Variants in PCDHA1 observed in about 807,000 individuals in gnomAD.
The protein encoded by PCDHA1 is protocadherin alpha 1.
PCDHA1 carries 42 observed loss-of-function variants against 61.3 expected under a neutral mutation model. That is an observed-to-expected ratio of 0.69 (90% CI 0.54 to 0.89). The LOEUF (loss-of-function observed/expected upper bound fraction) is 0.89. Among genes scored for constraint, PCDHA1 ranks in the 40% least tolerant of loss-of-function variants. The probability of loss-of-function intolerance (pLI) is 0.00; values close to 1 mark genes in which losing one functional copy is unlikely to be tolerated. For synonymous variants in PCDHA1, 610 were observed against 553.8 expected, an observed-to-expected ratio of 1.10 and a Z score of -1.43; for missense variants, 1,256 against 1,235.3, an observed-to-expected ratio of 1.02 and a Z score of -0.25.
rs782328874 is a variant in PCDHA1, at chr5:141,009,755, C to G, written c.2671C>G (p.Pro891Ala). The G allele has an allele frequency of 6.2e-7, 1 of 1,614,002 alleles. No homozygotes were observed. Among genetic ancestry groups the G allele is most frequent in the African/African-American group, 1.3e-5 (1 of 74,894 alleles). ...TGAGTTGCCCGACAAATTCATTATC[C>G]CAGGATCTCCTGCAATCATCTCCAT... ...PGELPDKFII[P>A]GSPAIISIRQ... Residue 891 changes from proline (P) to alanine (A), a missense_variant, in exon 4 of 4, where the codon CCA becomes GCA. Physicochemically the swap from Pro to Ala is conservative, Grantham distance 27. Coordinates refer to ENST00000504120, the MANE Select transcript of PCDHA1 (RefSeq NM_018900.4).
Position 140,803,245 on chromosome 5 carries a change from C to T in PCDHA1, c.2394+14561C>T, listed in dbSNP as rs782357905. 11 of 1,613,726 alleles carry T rather than the reference C, an allele frequency of 6.8e-6. No homozygotes were observed. In the Admixed American group the frequency reaches 1.2e-4, roughly 17 times the overall value. ...GCACCCAAGGCCTCGTCCCAGGCGT[C>T]CGCTGGCGCCACGGGCCCGGAAGCT... On this transcript the variant is annotated intron_variant, in intron 1 of 3. Coordinates refer to ENST00000504120, the MANE Select transcript of PCDHA1 (RefSeq NM_018900.4).
chr5:140,836,027 C>T (rs2150251000), intron 1 of PCDHA1: 4 of 1,613,456 alleles, frequency 2.5e-6, no homozygotes, highest in East Asian at 4.5e-5. Flanking sequence ...TGGGCAGCAA[C>T]GTGACGCTGC....
chr5:140,930,654 C>T (rs1229167848), intron 1 of PCDHA1, among the ~76,000 whole-genome samples: 1 of 152,106 alleles, frequency 6.6e-6, no homozygotes, highest in Non-Finnish European at 1.5e-5. Context: ...ATGAAGCATT[C>T]CTTGTTTTAC....
intron 1 of PCDHA1, chr5:140,843,356 T>G (rs1228911692): frequency 1.3e-6 from 2 of 1,595,866 alleles, no homozygotes; most frequent in Non-Finnish European, 1.7e-6. Context: ...TCCAAAAGCG[T>G]CATCGAGGCA....
chr5:140,983,711 G>C (rs2097062291), intron 3 of PCDHA1, among the ~76,000 whole-genome samples: 1 of 152,202 alleles, frequency 6.6e-6, no homozygotes, highest in Non-Finnish European at 1.5e-5. Context: ...AGTATATCTA[G>C]CACTTATATT....
chr5:140,993,630 C>T (rs1305182880), intron 3 of PCDHA1, among the ~76,000 whole-genome samples: 2 of 152,054 alleles, frequency 1.3e-5, no homozygotes, highest in South Asian at 4.2e-4. Flanking sequence ...TATATATAGT[C>T]GTGTACCAAA....
intron 1 of PCDHA1, chr5:140,967,436 C>T (rs781894469): frequency 6.2e-7 from 1 of 1,613,496 alleles, no homozygotes; most frequent in Non-Finnish European, 8.5e-7. Context: ...AGCCTTGCAC[C>T]ACCTGGTTCT....
intron 1 of PCDHA1, chr5:140,824,162 C>A (rs2150132827): frequency 6.0e-5 from 97 of 1,611,100 alleles, no homozygotes; most frequent in Non-Finnish European, 3.5e-5. Context: ...ATCTTTCCCT[C>A]CCAATTTTCA....
At chr5:140,967,475 C>T (rs555659207) in intron 1 of PCDHA1, 1 of 1,613,342 alleles carries the variant, frequency 6.2e-7, no homozygotes, top group South Asian at 1.1e-5. Context: ...CATCCCAGCC[C>T]GCTCGGGTAC....
At chr5:140,889,645 A>AG (rs1314365000) in intron 1 of PCDHA1, among the ~76,000 whole-genome samples, 1 of 152,040 alleles carries the variant, frequency 6.6e-6, no homozygotes, top group African/African-American at 2.4e-5. Context: ...TTGTGTTTGC[A>AG]GGAGATGTCC....
chr5:140,869,873 A>C, intron 1 of PCDHA1: 8 of 1,610,644 alleles, frequency 5.0e-6, no homozygotes, highest in Non-Finnish European at 6.8e-6. Flanking sequence ...AATGCTGCTA[A>C]AGAAACTCTT....
At chr5:140,828,462 G>A (rs2150155526) in intron 1 of PCDHA1, 15 of 1,614,182 alleles carry the variant, frequency 9.3e-6, no homozygotes, top group South Asian at 8.8e-5. Context: ...GTGGAGGTGA[G>A]GGACATTAAC....
intron 1 of PCDHA1, chr5:140,830,277 A>G (rs1770951301): frequency 6.2e-7 from 1 of 1,613,766 alleles, no homozygotes; most frequent in Non-Finnish European, 8.5e-7. Flanking sequence ...CCACCCACCG[A>G]GGGCGCGTGC....
intron 1 of PCDHA1, chr5:140,824,442 T>C (rs1218681700): frequency 6.3e-6 from 3 of 472,476 alleles, no homozygotes; most frequent in African/African-American, 6.0e-5. Context: ...TTTCAGTTTA[T>C]GACTACATGA....
chr5:141,010,063 G>C lies in PCDHA1; in HGVS notation c.*126G>C, dbSNP rs1393265789. ...CTCTTAGAGACCTCAGAAATCTGCA[G>C]AAAGTTCCCTGTGTCTGTCTAGAAC... On this transcript the variant is annotated 3_prime_UTR_variant, in exon 4 of 4. Transcript: ENST00000504120. 31 of 1,602,790 alleles carry C rather than the reference G, an allele frequency of 1.9e-5. No individual in the cohort carries two copies. The highest frequency in any genetic ancestry group is 2.6e-5 in the Non-Finnish European group (31 of 1,174,498).
chr5:140,911,187 G>A (rs911666410), intron 1 of PCDHA1, among the ~76,000 whole-genome samples: 1 of 152,102 alleles, frequency 6.6e-6, no homozygotes, highest in Non-Finnish European at 1.5e-5. Context: ...TGTGGGTTGG[G>A]GAGGACATGT....
At chr5:140,850,558 G>T (rs2150489293) in intron 1 of PCDHA1, 3 of 1,598,326 alleles carry the variant, frequency 1.9e-6, no homozygotes, top group Non-Finnish European at 2.6e-6. Flanking sequence ...GGTGCCACGG[G>T]CCCCGAGGTG....
chr5:141,000,774 G>A (rs1399583734), intron 3 of PCDHA1, among the ~76,000 whole-genome samples: 1 of 151,828 alleles, frequency 6.6e-6, no homozygotes, highest in Non-Finnish European at 1.5e-5. Context: ...AGGCATAGTG[G>A]CGCACACCTG....
chr5:140,915,513 A>T (rs2077156707), intron 1 of PCDHA1, among the ~76,000 whole-genome samples: 2 of 152,124 alleles, frequency 1.3e-5, no homozygotes, highest in African/African-American at 2.4e-5. Context: ...GTTTTTGCAG[A>T]CTAGTAGAGG....
Sources: allele counts gnomAD v4.1 joint callset (sites outside exome capture counted in the v4.1 genomes callset), GRCh38; gene constraint gnomAD v4.1.1; transcripts MANE v1.5; gene names NCBI Gene and HGNC (gene_info 2026-07-23, HGNC 2026-07-21).